Variants in CNTNAP5 observed in about 807,000 individuals in gnomAD.
The protein encoded by CNTNAP5 is contactin associated protein family member 5, also known as contactin-associated protein-like 5.
In CNTNAP5, 72 loss-of-function variants were observed where a neutral mutation model predicts 150.2. The observed-to-expected ratio is 0.48, with a 90% CI of 0.40 to 0.58. CNTNAP5 has a LOEUF of 0.58. CNTNAP5 is among the 20% of genes least tolerant of loss of function. CNTNAP5 has a pLI of 0.00. For synonymous variants in CNTNAP5, 672 were observed against 619.8 expected, an observed-to-expected ratio of 1.08 and a Z score of -1.25; for missense variants, 1,636 against 1,626.2, an observed-to-expected ratio of 1.01 and a Z score of -0.10.
chr2:124,042,243 A>G (rs1274827073), intron 1 of CNTNAP5, among the ~76,000 whole-genome samples: 1 of 152,168 alleles, frequency 6.6e-6, no homozygotes, highest in Non-Finnish European at 1.5e-5. Context: ...ATATGATGAC[A>G]TATACTTTCA....
At chr2:124,693,625 G>A (rs1015811137) in intron 13 of CNTNAP5, among the ~76,000 whole-genome samples, 10 of 151,890 alleles carry the variant, frequency 6.6e-5, no homozygotes, top group African/African-American at 1.7e-4. Context: ...TGTTCCTGAC[G>A]CCCCTGTGGA....
At chr2:124,114,804 A>G (rs1393109606) in intron 1 of CNTNAP5, among the ~76,000 whole-genome samples, 1 of 151,652 alleles carries the variant, frequency 6.6e-6, no homozygotes, top group Non-Finnish European at 1.5e-5. Context: ...TTTGCAATAT[A>G]CCAAACATAT....
intron 8 of CNTNAP5, among the ~76,000 whole-genome samples, chr2:124,506,131 C>T (rs1694401672): frequency 6.8e-6 from 1 of 147,432 alleles, no homozygotes; most frequent in South Asian, 2.1e-4. Flanking sequence ...AATATAGATT[C>T]AGGTTGCCCT....
chr2:124,813,524 G>T (rs1682285786), intron 19 of CNTNAP5, among the ~76,000 whole-genome samples: 1 of 147,400 alleles, frequency 6.8e-6, no homozygotes, highest in Non-Finnish European at 1.5e-5. Flanking sequence ...GATCTATTTG[G>T]CCTTAAAAGA....
intron 14 of CNTNAP5, among the ~76,000 whole-genome samples, chr2:124,761,305 C>T (rs1237194885): frequency 6.6e-6 from 1 of 152,066 alleles, no homozygotes; most frequent in East Asian, 1.9e-4. Context: ...GATCATATTC[C>T]TAATATGACC....
chr2:124,642,810 A>G (rs1394142), intron 12 of CNTNAP5, among the ~76,000 whole-genome samples: 89,671 of 152,090 alleles, frequency 0.59, 27,101 homozygotes, highest in African/African-American at 0.65. Context: ...TTAAACACAA[A>G]AATGAATTAT....
intron 3 of CNTNAP5, among the ~76,000 whole-genome samples, chr2:124,414,265 A>T (rs1433462630): frequency 3.3e-5 from 5 of 152,082 alleles, no homozygotes; most frequent in African/African-American, 9.7e-5. Context: ...CCGGCACATA[A>T]CTTCCGGCAT....
chr2:124,752,811 G>T (rs890932324), intron 14 of CNTNAP5, among the ~76,000 whole-genome samples: 5 of 152,132 alleles, frequency 3.3e-5, no homozygotes, highest in Admixed American at 2.0e-4. Flanking sequence ...ACAGCTCTGG[G>T]TTGCAGACCC....
In CNTNAP5 at chr2:124,851,616, C is replaced by T. The variant is rs76898622; in HGVS notation, c.3218-13690C>T. Among the ~76,000 whole-genome samples, 1,004 of 152,088 alleles carry T rather than the reference C, an allele frequency of 6.6e-3. 3 individuals are homozygous for T. The highest frequency in any genetic ancestry group is 0.012 in the Non-Finnish European group (789 of 67,996). On this transcript the variant is annotated intron_variant, in intron 19 of 23. Transcript: ENST00000682447. ...ATTGACACGTCAGTAAATGTGGGGGCGGGACTTTGTGGTTCTTTTACAAAT... is the reference window on the plus strand; with the variant it reads ...ATTGACACGTCAGTAAATGTGGGGGTGGGACTTTGTGGTTCTTTTACAAAT...
intron 3 of CNTNAP5, among the ~76,000 whole-genome samples, chr2:124,263,712 A>C (rs764938271): frequency 6.6e-6 from 1 of 152,194 alleles, no homozygotes; most frequent in Non-Finnish European, 1.5e-5. Context: ...TTTAGACATG[A>C]AGCCCTTGCC....
intron 4 of CNTNAP5, among the ~76,000 whole-genome samples, chr2:124,425,153 G>A (rs1003772561): frequency 3.3e-5 from 5 of 152,156 alleles, no homozygotes; most frequent in Non-Finnish European, 5.9e-5. Context: ...GTGATTGACC[G>A]TGACTCCCCT....
chr2:124,892,008 A>G (rs1409548532), intron 21 of CNTNAP5, among the ~76,000 whole-genome samples: 1 of 152,066 alleles, frequency 6.6e-6, no homozygotes, highest in Non-Finnish European at 1.5e-5. Context: ...TAAAGTCATT[A>G]AGGCTATCTA....
chr2:124,828,221 C>T (rs554534199), intron 19 of CNTNAP5, among the ~76,000 whole-genome samples: 1 of 152,128 alleles, frequency 6.6e-6, no homozygotes, highest in African/African-American at 2.4e-5. Flanking sequence ...TTGGCTCACA[C>T]CTCTAATCTC....
At chr2:124,825,573 TC>T (rs1347243385) in intron 19 of CNTNAP5, among the ~76,000 whole-genome samples, 1 of 152,138 alleles carries the variant, frequency 6.6e-6, no homozygotes, top group Non-Finnish European at 1.5e-5. Context: ...AATGAATGCA[TC>T]CTAATGGCAC....
At chr2:124,415,935 A>T (rs547050808) in intron 3 of CNTNAP5, among the ~76,000 whole-genome samples, 1 of 152,296 alleles carries the variant, frequency 6.6e-6, no homozygotes, top group East Asian at 1.9e-4. Flanking sequence ...ATTTTCAGGG[A>T]AAATGAATGA....
intron 12 of CNTNAP5, among the ~76,000 whole-genome samples, chr2:124,646,106 T>TATTTTCTTTTATAGAATTGGA (rs1448926654): frequency 3.0e-4 from 46 of 152,310 alleles, no homozygotes; most frequent in African/African-American, 1.1e-3. Flanking sequence ...CTGGAAGAAG[T>TATTTTCTTTTATAGAATTGGA]ATTTTCTTTT....
intron 7 of CNTNAP5, among the ~76,000 whole-genome samples, chr2:124,497,058 AGCCTGGTTGAGAATCC>A (rs1338274166): frequency 1.3e-5 from 2 of 152,204 alleles, no homozygotes; most frequent in African/African-American, 4.8e-5. Flanking sequence ...CAGTGGTGAC[AGCCTGGTTGAGAATCC>A]GCTAGAGACC....
At chr2:124,529,015 G>A (rs932285476) in intron 10 of CNTNAP5, among the ~76,000 whole-genome samples, 2 of 151,610 alleles carry the variant, frequency 1.3e-5, no homozygotes, top group African/African-American at 4.8e-5. Flanking sequence ...ACTATGCATG[G>A]GATCATCAAC....
chr2:124,593,189 G>A (rs969054712), intron 11 of CNTNAP5, among the ~76,000 whole-genome samples: 10 of 145,646 alleles, frequency 6.9e-5, no homozygotes, highest in African/African-American at 2.5e-4. Flanking sequence ...CATAGTGCAG[G>A]TTAGTTACAT....
Sources: gnomAD v4.1 joint callset for allele counts (sites outside exome capture counted in the v4.1 genomes callset) on GRCh38, gnomAD v4.1.1 for gene constraint, MANE v1.5 for transcripts, NCBI Gene and HGNC (gene_info 2026-07-23, HGNC 2026-07-21) for gene names.